CCDC6: variants seen among roughly 807,000 people sequenced by gnomAD.
The protein encoded by CCDC6 is coiled-coil domain containing 6.
In CCDC6, 20 loss-of-function variants were observed where a neutral mutation model predicts 56.6. The observed-to-expected ratio is 0.35, with a 90% confidence interval of 0.25 to 0.51. CCDC6 has a LOEUF of 0.51. Among genes scored for constraint, CCDC6 ranks in the 20% least tolerant of loss-of-function variants. The pLI is 0.95. For missense variants in CCDC6, 367 were observed against 601.1 expected, an observed-to-expected ratio of 0.61 and a Z score of 4.07; for synonymous variants, 241 against 234.4, an observed-to-expected ratio of 1.03 and a Z score of -0.26.
intron 1 of CCDC6, among the ~76,000 whole-genome samples, chr10:59,868,328 A>G (rs1480490044): frequency 6.6e-6 from 1 of 152,100 alleles, no homozygotes; most frequent in African/African-American, 2.4e-5. Context: ...TGCTGTTTGC[A>G]AGGGTTGCTG....
At chr10:59,902,443 G>C (rs1298252167) in intron 1 of CCDC6, among the ~76,000 whole-genome samples, 3 of 142,062 alleles carry the variant, frequency 2.1e-5, no homozygotes, top group East Asian at 2.1e-4. Context: ...ACCCAGACTG[G>C]AGTGCAGTGG....
intron 1 of CCDC6, among the ~76,000 whole-genome samples, chr10:59,905,436 G>A (rs1345011800): frequency 6.6e-6 from 1 of 152,148 alleles, no homozygotes; most frequent in East Asian, 1.9e-4. Flanking sequence ...CCCTGGTTTC[G>A]GCCCCAGCCC....
rs781202565 is a variant in CCDC6 at position 59,792,890 on chromosome 10, A to G, written c.*27T>C. On this transcript the variant is annotated 3_prime_UTR_variant, in exon 9 of 9. Coordinates refer to ENST00000263102, the MANE Select transcript of CCDC6 (RefSeq NM_005436.5). ...AGACGGCTCCATTGGATGAGTCCCA[A>G]CTTGAAATTCAGACTAAGCTCATGC... 69 of 1,609,630 alleles carry G rather than the reference A, an allele frequency of 4.3e-5. No homozygotes were observed. The highest frequency in any genetic ancestry group is 5.2e-5 in the Non-Finnish European group (61 of 1,176,654).
rs1266063207 is a variant in CCDC6, at chr10:59,862,514, TATACACACACACAC to T, written c.304-9826_304-9813del. Among the ~76,000 whole-genome samples, 11 of 73,064 alleles carry T rather than the reference TATACACACACACAC, an allele frequency of 1.5e-4. 1 individual carries two copies. Among genetic ancestry groups the T allele is most frequent in the African/African-American group, 7.3e-4 (9 of 12,314 alleles). The allele number at this position is 73,064 out of a possible 152,430, so 47.9% of individuals were successfully genotyped here. On this transcript the variant is annotated intron_variant, in intron 1 of 8. Coordinates refer to ENST00000263102, the MANE Select transcript of CCDC6 (RefSeq NM_005436.5). ...AGAAAAAAAAAAGTATATATATATA[TATACACACACACAC>T]ACACACACACACACACACACACACA...
At position 59,902,974 on chromosome 10, in the gene CCDC6, A is replaced by C. The variant is rs567605621; in HGVS notation, c.303+3148T>G. ...AGATAAATTATGATACATCCAAACA[A>C]TGAAATACTATTTAACTCTGAACAG... On this transcript the variant is annotated intron_variant, in intron 1 of 8. Transcript: ENST00000263102. Among the ~76,000 whole-genome samples the C allele has an allele frequency of 1.2e-4, 18 of 152,352 alleles. No homozygotes were observed. In the East Asian group the frequency reaches 3.3e-3, roughly 28 times the overall value.
rs758217667 is a variant in CCDC6 at position 59,792,789 on chromosome 10, T to G, written c.*128A>C. 3 of 941,126 alleles carry G rather than the reference T, an allele frequency of 3.2e-6. No individual in the cohort carries two copies. The highest frequency in any genetic ancestry group is 1.3e-5 in the South Asian group (1 of 77,324). The allele number at this position is 941,126 out of a possible 1,614,324, so 58.3% of individuals were successfully genotyped here. On this transcript the variant is annotated 3_prime_UTR_variant, in exon 9 of 9. Coordinates refer to ENST00000263102, the MANE Select transcript of CCDC6 (RefSeq NM_005436.5). The stretch of plus-strand genomic sequence containing the variant: ...TGACAAACATTTACAACACAATGGA[T>G]AGTGAAGCCTAGATAACCTCAGTGC...
At chr10:59,830,021 T>C (rs2070822550) in intron 3 of CCDC6, among the ~76,000 whole-genome samples, 1 of 152,204 alleles carries the variant, frequency 6.6e-6, no homozygotes, top group African/African-American at 2.4e-5. Context: ...AACACTAGCC[T>C]GCGCTGCCTT....
At chr10:59,821,377 T>A (rs1021896399) in intron 3 of CCDC6, among the ~76,000 whole-genome samples, 1 of 152,218 alleles carries the variant, frequency 6.6e-6, no homozygotes, top group Non-Finnish European at 1.5e-5. Context: ...AATGTCTGTG[T>A]CAGCTGTCTG....
At chr10:59,798,250 G>A (rs2070541466) in intron 7 of CCDC6, among the ~76,000 whole-genome samples, 1 of 152,168 alleles carries the variant, frequency 6.6e-6, no homozygotes, top group African/African-American at 2.4e-5. Context: ...TAGAGGCCAA[G>A]CAATGTGAAC....
Position 59,906,472 on chromosome 10 carries a change from G to A in CCDC6, c.-48C>T. 7.0e-7 allele frequency: 1 copy of A among 1,421,042 alleles called. No individual in the cohort carries two copies. Among genetic ancestry groups the A allele is most frequent in the Non-Finnish European group, 9.1e-7 (1 of 1,095,154 alleles). 88.0% of individuals were successfully genotyped at this position (1,421,042 alleles called of 1,614,324 possible). A position where few individuals can be genotyped will look rare whatever the true frequency, so the allele number is the denominator to read the frequency against. Reference sequence around the variant, plus strand: ...GAGGAGGAGCAGCAGGGAGGCGGCGGCGACGAAGGCCGGGCTGCGAATGAG... The same window carrying A: ...GAGGAGGAGCAGCAGGGAGGCGGCGACGACGAAGGCCGGGCTGCGAATGAG... On this transcript the variant is annotated 5_prime_UTR_variant, in exon 1 of 9. Coordinates refer to ENST00000263102, the MANE Select transcript of CCDC6 (RefSeq NM_005436.5).
Position 59,789,467 on chromosome 10 carries a change from CA to C in CCDC6, c.*3449del, listed in dbSNP as rs1237855233. 1 of 232,112 alleles carries C rather than the reference CA, an allele frequency of 4.3e-6. No individual in the cohort carries two copies. The highest frequency in any genetic ancestry group is 5.6e-5 in the Admixed American group (1 of 17,712). 14.4% of individuals were successfully genotyped at this position (232,112 alleles called of 1,614,324 possible). Reference sequence around the variant, plus strand: ...AAGAAGAAAAAAAAACCCTAAAAAACAAAGAAAAAAACAAACAAAAAATCAC... The same window carrying C: ...AAGAAGAAAAAAAAACCCTAAAAAACAAGAAAAAAACAAACAAAAAATCAC... On this transcript the variant is annotated 3_prime_UTR_variant, in exon 9 of 9. Coordinates refer to ENST00000263102, the MANE Select transcript of CCDC6 (RefSeq NM_005436.5).
intron 1 of CCDC6, among the ~76,000 whole-genome samples, chr10:59,889,780 G>A (rs2071408266): frequency 6.6e-6 from 1 of 152,118 alleles, no homozygotes; most frequent in Non-Finnish European, 1.5e-5. Context: ...CAAGGCCCAG[G>A]GGAGTTCCAA....
At chr10:59,896,287 G>A (rs928877340) in intron 1 of CCDC6, among the ~76,000 whole-genome samples, 4 of 152,080 alleles carry the variant, frequency 2.6e-5, no homozygotes, top group African/African-American at 7.2e-5. Context: ...GTGAAGTGTT[G>A]GGGGTAAGAT....
intron 7 of CCDC6, among the ~76,000 whole-genome samples, chr10:59,802,966 AT>A (rs1311683229): frequency 6.6e-6 from 1 of 152,208 alleles, no homozygotes; most frequent in Non-Finnish European, 1.5e-5. Context: ...ACAATCCTCC[AT>A]TTTACTTCTT....
At chr10:59,818,498 G>A (rs544100540) in intron 3 of CCDC6, among the ~76,000 whole-genome samples, 3 of 116,462 alleles carry the variant, frequency 2.6e-5, no homozygotes, top group Non-Finnish European at 5.3e-5. Context: ...ATGTTGACGG[G>A]GGGGGGGGAA....
At chr10:59,863,293 C>T (rs973754012) in intron 1 of CCDC6, among the ~76,000 whole-genome samples, 5 of 152,234 alleles carry the variant, frequency 3.3e-5, no homozygotes, top group African/African-American at 7.2e-5. Context: ...ATAACTTACA[C>T]GTGTTATATG....
rs1025167061 is a variant in CCDC6 at position 59,833,402 on chromosome 10, T to C, written c.454-749A>G. On this transcript the variant is annotated intron_variant, in intron 2 of 8. Transcript: ENST00000263102. ...AGGTGGAGGCTGCAGTGAGCTGAGA[T>C]AGTGCCATTGCACTCCAGCTTGGAC... 6.6e-5 allele frequency among the ~76,000 whole-genome samples: 10 copies of C among 152,274 alleles called. No homozygotes were observed. In the South Asian group the frequency reaches 2.1e-3, roughly 32 times the overall value.
chr10:59,894,797 G>C (rs990552098), intron 1 of CCDC6, among the ~76,000 whole-genome samples: 2 of 152,138 alleles, frequency 1.3e-5, no homozygotes. Flanking sequence ...AACTGAGCCA[G>C]GAAGGGGAGC....
At chr10:59,899,875 C>CACACTGATTGCAATGGT (rs74595864) in intron 1 of CCDC6, among the ~76,000 whole-genome samples, 7,661 of 152,238 alleles carry the variant, frequency 0.05, 293 homozygotes, top group Non-Finnish European at 0.067. Context: ...AAGGCAAGGG[C>CACACTGATTGCAATGGT]ACACTGATTG....
Sources: gnomAD v4.1 joint callset for allele counts (sites outside exome capture counted in the v4.1 genomes callset) on GRCh38, gnomAD v4.1.1 for gene constraint, MANE v1.5 for transcripts, NCBI Gene and HGNC (gene_info 2026-07-23, HGNC 2026-07-21) for gene names.